Variants in EPHA5 observed in about 807,000 individuals in gnomAD.
The protein encoded by EPHA5 is EPH receptor A5, also known as ephrin type-A receptor 5.
EPHA5 carries 60 observed loss-of-function variants against 105.0 expected under a neutral mutation model. The ratio of observed to expected loss-of-function variants is 0.57; its 90% CI spans 0.46 to 0.71. The LOEUF is 0.71. EPHA5 is among the 30% of genes least tolerant of loss of function. EPHA5 has a pLI of 0.00. For synonymous variants in EPHA5, 513 were observed against 449.1 expected, an observed-to-expected ratio of 1.14 and a Z score of -1.80; for missense variants, 1,218 against 1,274.7, an observed-to-expected ratio of 0.96 and a Z score of 0.68.
At chr4:65,380,695 A>C (rs1719472311) in intron 8 of EPHA5, among the ~76,000 whole-genome samples, 1 of 151,842 alleles carries the variant, frequency 6.6e-6, no homozygotes, top group Non-Finnish European at 1.5e-5. Flanking sequence ...GAAGAAAACT[A>C]AAAGGCTGCA....
chr4:65,447,051 A>T (rs932328038), intron 5 of EPHA5, among the ~76,000 whole-genome samples: 1 of 139,394 alleles, frequency 7.2e-6, no homozygotes, highest in African/African-American at 2.7e-5. Context: ...CAGTAGCATG[A>T]TCATAGCTCA....
At chr4:65,407,255 C>T (rs1041143909) in intron 7 of EPHA5, among the ~76,000 whole-genome samples, 2 of 152,086 alleles carry the variant, frequency 1.3e-5, no homozygotes, top group African/African-American at 4.8e-5. Flanking sequence ...CTTAATGTGC[C>T]AGTTTGGGAA....
At position 65,669,776 on chromosome 4, in the gene EPHA5, A is replaced by G. The variant is rs1187336109; in HGVS notation, c.-34T>C. ...AGCCTCCTCCGGTGCCGCTGTCCCGAGCGGCTCAGTCCACCGCTTCGGCCT... is the reference window on the plus strand; with the variant it reads ...AGCCTCCTCCGGTGCCGCTGTCCCGGGCGGCTCAGTCCACCGCTTCGGCCT... On this transcript the variant is annotated 5_prime_UTR_variant, in exon 1 of 17. Transcript: ENST00000613740. 2.4e-6 allele frequency: 3 copies of G among 1,246,588 alleles called. No homozygotes were observed. The highest frequency in any genetic ancestry group is 1.6e-5 in the African/African-American group (1 of 64,460). 77.2% of individuals were successfully genotyped at this position (1,246,588 alleles called of 1,614,324 possible).
chr4:65,669,830 TC>T lies in EPHA5; in HGVS notation c.-89del. 2 of 1,232,740 alleles carry T rather than the reference TC, an allele frequency of 1.6e-6. No homozygotes were observed. The highest frequency in any genetic ancestry group is 2.0e-6 in the Non-Finnish European group (2 of 988,754). 76.4% of individuals were successfully genotyped at this position (1,232,740 alleles called of 1,614,324 possible). A position where few individuals can be genotyped will look rare whatever the true frequency, so the allele number is the denominator to read the frequency against. ...AGAGCGGCGAAGGGAGACTCGGGAGTCCTCCTTGTCCCCCCTTGGGGTCCTA... is the reference window on the plus strand; with the variant it reads ...AGAGCGGCGAAGGGAGACTCGGGAGTCTCCTTGTCCCCCCTTGGGGTCCTA... On this transcript the variant is annotated 5_prime_UTR_variant, in exon 1 of 17. Transcript: ENST00000613740.
chr4:65,521,247 C>A (rs904287220), intron 3 of EPHA5, among the ~76,000 whole-genome samples: 8 of 152,070 alleles, frequency 5.3e-5, no homozygotes, highest in African/African-American at 1.9e-4. Flanking sequence ...AGCTGGAAAC[C>A]ATCATTCTCA....
At chr4:65,432,129 T>G (rs1373808153) in intron 5 of EPHA5, among the ~76,000 whole-genome samples, 1 of 152,204 alleles carries the variant, frequency 6.6e-6, no homozygotes, top group East Asian at 1.9e-4. Context: ...ACAAGTTTGA[T>G]TCTAGCTCAA....
intron 3 of EPHA5, among the ~76,000 whole-genome samples, chr4:65,565,847 T>G: frequency 6.6e-6 from 1 of 151,914 alleles, no homozygotes; most frequent in East Asian, 1.9e-4. Flanking sequence ...AGTTTATAAT[T>G]TTGAATAAAC....
chr4:65,573,188 G>T (rs191714375), intron 3 of EPHA5, among the ~76,000 whole-genome samples: 92 of 151,888 alleles, frequency 6.1e-4, no homozygotes, highest in African/African-American at 2.2e-3. Flanking sequence ...GAGGCAGGTG[G>T]ATCACGAGGT....
intron 7 of EPHA5, among the ~76,000 whole-genome samples, chr4:65,408,497 AAAAC>A (rs1206117385): frequency 2.0e-4 from 31 of 152,330 alleles, no homozygotes; most frequent in African/African-American, 6.0e-4. Context: ...TTACAAGAAA[AAAAC>A]AAACAACCCC....
chr4:65,531,353 C>T (rs1735779126), intron 3 of EPHA5, among the ~76,000 whole-genome samples: 1 of 152,044 alleles, frequency 6.6e-6, no homozygotes, highest in South Asian at 2.1e-4. Context: ...TTCATTTTTA[C>T]CCTTTCCTCC....
At chr4:65,499,628 T>G (rs949524620) in intron 3 of EPHA5, among the ~76,000 whole-genome samples, 1 of 151,482 alleles carries the variant, frequency 6.6e-6, no homozygotes, top group Non-Finnish European at 1.5e-5. Context: ...CTCCAGATAT[T>G]TTCATTACAA....
intron 2 of EPHA5, among the ~76,000 whole-genome samples, chr4:65,637,927 C>T (rs1410706707): frequency 6.6e-6 from 1 of 151,994 alleles, no homozygotes; most frequent in East Asian, 1.9e-4. Flanking sequence ...AAAGAGGACA[C>T]ATACAGAAAA....
At chr4:65,495,606 T>A (rs1179754253) in intron 3 of EPHA5, 63 bp from the exon 4 acceptor site, 1 of 1,395,410 alleles carries the variant, frequency 7.2e-7, no homozygotes, top group African/African-American at 1.5e-5. Flanking sequence ...GTTTTGTGAA[T>A]AATGTCATTA....
At chr4:65,487,603 T>G (rs1731001374) in intron 5 of EPHA5, among the ~76,000 whole-genome samples, 2 of 152,120 alleles carry the variant, frequency 1.3e-5, no homozygotes, top group Non-Finnish European at 2.9e-5. Context: ...ACAGAACACT[T>G]AAACTGGCTC....
intron 8 of EPHA5, among the ~76,000 whole-genome samples, chr4:65,392,025 G>A (rs1462551594): frequency 6.6e-6 from 1 of 152,086 alleles, no homozygotes; most frequent in Non-Finnish European, 1.5e-5. Flanking sequence ...GTTCAATAGT[G>A]TTGAGCAATT....
At position 65,338,757 on chromosome 4, in the gene EPHA5, T is replaced by A. The variant is rs577036628; in HGVS notation, c.2596-2632A>T. On this transcript the variant is annotated intron_variant, in intron 14 of 16. Transcript: ENST00000613740. ...TTCACATTTTATATTAGAAGTTTCC[T>A]TTTTTTTCCATTTCTAATGATTCTT... 5.3e-5 allele frequency among the ~76,000 whole-genome samples: 8 copies of A among 152,054 alleles called. No individual in the cohort carries two copies. The South Asian group carries it at 1.5e-3, about 28-fold the overall frequency.
intron 3 of EPHA5, among the ~76,000 whole-genome samples, chr4:65,521,338 C>G (rs771319541): frequency 2.0e-5 from 3 of 151,954 alleles, no homozygotes; most frequent in Admixed American, 6.6e-5. Flanking sequence ...AACCCTTGGA[C>G]ACAGGAAGGG....
chr4:65,668,874 C>T (rs990363197), intron 1 of EPHA5, among the ~76,000 whole-genome samples: 1 of 151,946 alleles, frequency 6.6e-6, no homozygotes, highest in Non-Finnish European at 1.5e-5. Flanking sequence ...CGGCATCCCA[C>T]CTTCTCGCCT....
At chr4:65,336,186 A>T (rs1447928865) in intron 14 of EPHA5, 61 bp from the exon 15 acceptor site, 1 of 1,365,430 alleles carries the variant, frequency 7.3e-7, no homozygotes, top group African/African-American at 1.5e-5. Context: ...GAATAGCTTT[A>T]AAAATGTCCC....
Sources: gnomAD v4.1 joint callset for allele counts (sites outside exome capture counted in the v4.1 genomes callset) on GRCh38, gnomAD v4.1.1 for gene constraint, MANE v1.5 for transcripts, NCBI Gene and HGNC (gene_info 2026-07-23, HGNC 2026-07-21) for gene names.